The following PCDHGB5 variants were observed in gnomAD, a reference collection of about 807,000 sequenced individuals.
PCDHGB5 encodes the protein protocadherin gamma subfamily B, 5.
A neutral mutation model predicts 62.9 loss-of-function variants in PCDHGB5; 48 were observed. That is an observed-to-expected ratio of 0.76 (90% CI 0.61 to 0.97). The LOEUF is 0.97. PCDHGB5 is among the 50% of genes least tolerant of loss of function. PCDHGB5 has a pLI of 0.00. For missense variants in PCDHGB5, 1,118 were observed against 1,198.6 expected, an observed-to-expected ratio of 0.93 and a Z score of 0.99; for synonymous variants, 474 against 511.2, an observed-to-expected ratio of 0.93 and a Z score of 0.98.
intron 1 of PCDHGB5, among the ~76,000 whole-genome samples, chr5:141,434,225 G>A (rs1591320318): frequency 6.6e-6 from 1 of 152,146 alleles, no homozygotes; most frequent in African/African-American, 2.4e-5. Flanking sequence ...AACAAAGTAC[G>A]ATTTCTGGAC....
chr5:141,403,582 G>A (rs973617374), intron 1 of PCDHGB5: 1 of 1,613,910 alleles, frequency 6.2e-7, no homozygotes, highest in Non-Finnish European at 8.5e-7. Flanking sequence ...CCCACCACCT[G>A]GTCCTCACGG....
At chr5:141,427,352 G>A (rs982774903) in intron 1 of PCDHGB5, 3 of 457,474 alleles carry the variant, frequency 6.6e-6, no homozygotes, top group African/African-American at 6.0e-5. Flanking sequence ...CTGTAACTGA[G>A]GACGCAGAAC....
intron 1 of PCDHGB5, chr5:141,403,361 A>T (rs760277157): frequency 3.1e-6 from 5 of 1,614,050 alleles, no homozygotes; most frequent in Middle Eastern, 1.6e-4. Context: ...CCAGGCCGAA[A>T]GTCTGGAAGT....
At chr5:141,471,114 T>A (rs1210058743) in intron 1 of PCDHGB5, among the ~76,000 whole-genome samples, 1 of 150,256 alleles carries the variant, frequency 6.7e-6, no homozygotes, top group Non-Finnish European at 1.5e-5. Context: ...AGTGGTGCGA[T>A]CTTACCTTCA....
chr5:141,491,353 T>A lies in PCDHGB5; in HGVS notation c.2398-3454T>A. On this transcript the variant is annotated intron_variant, in intron 1 of 3. Coordinates refer to ENST00000617380, the MANE Select transcript of PCDHGB5 (RefSeq NM_018925.3). This position sits in a 1 kb window ranked among gnomAD's most constrained non-coding sequence, Gnocchi z 6.9. ...GGCTCTAGCGACCGTCAGTCTCTTATCCCTAGTCACCTTCACCTTTCTGTC... is the reference window on the plus strand; with the variant it reads ...GGCTCTAGCGACCGTCAGTCTCTTAACCCTAGTCACCTTCACCTTTCTGTC... The A allele has an allele frequency of 6.2e-7, 1 of 1,614,160 alleles. No homozygotes were observed. Among genetic ancestry groups the A allele is most frequent in the South Asian group, 1.1e-5 (1 of 91,080 alleles).
At chr5:141,405,372 T>C in intron 1 of PCDHGB5, 1 of 1,601,630 alleles carries the variant, frequency 6.2e-7, no homozygotes, top group East Asian at 2.2e-5. Flanking sequence ...ACCCCTTTGG[T>C]TCCGGTGAGT....
chr5:141,486,505 T>C lies in PCDHGB5; in HGVS notation c.2398-8302T>C. The C allele has an allele frequency of 6.2e-7, 1 of 1,614,156 alleles. No individual in the cohort carries two copies. ...GTACCCACAGAACTATTTTCCTCAA[T>C]ATTTCAGATGTGAATGATAATCCAC... is the stretch of plus-strand genomic sequence containing the variant. On this transcript the variant is annotated intron_variant, in intron 1 of 3. Coordinates refer to ENST00000617380, the MANE Select transcript of PCDHGB5 (RefSeq NM_018925.3). The surrounding 1 kb of genome is among the most constrained non-coding windows in gnomAD (Gnocchi z 5.0).
At chr5:141,433,605 G>C (rs1411907056) in intron 1 of PCDHGB5, among the ~76,000 whole-genome samples, 1 of 152,114 alleles carries the variant, frequency 6.6e-6, no homozygotes. Context: ...GGAGGCCGAG[G>C]CGGGTGGATC....
intron 1 of PCDHGB5, among the ~76,000 whole-genome samples, chr5:141,424,979 T>G (rs565208060): frequency 1.4e-4 from 22 of 152,322 alleles, no homozygotes; most frequent in African/African-American, 4.6e-4. Flanking sequence ...CTTGGATATT[T>G]ATGTTCCCTT....
At position 141,481,880 on chromosome 5, in the gene PCDHGB5, C is replaced by T. The variant is rs555652518; in HGVS notation, c.2398-12927C>T. Among the ~76,000 whole-genome samples, 5 of 145,406 alleles carry T rather than the reference C, an allele frequency of 3.4e-5. No individual in the cohort carries two copies. The East Asian group carries it at 1.0e-3, about 29-fold the overall frequency. On this transcript the variant is annotated intron_variant, in intron 1 of 3. Transcript: ENST00000617380. ...AGTGAGCCGAGATCGCGCCACTGCA[C>T]TCCAGCCTGGGTGAAAGAGCGAAAC...
At chr5:141,435,112 T>A (rs906494104) in intron 1 of PCDHGB5, among the ~76,000 whole-genome samples, 1 of 152,102 alleles carries the variant, frequency 6.6e-6, no homozygotes, top group Non-Finnish European at 1.5e-5. Context: ...GGGGGAGAAA[T>A]CTAATTCAAT....
Position 141,399,165 on chromosome 5 carries a change from T to C in PCDHGB5, c.1038T>C (p.His346=), listed in dbSNP as rs1423083245. Residue 346 remains histidine (H), a synonymous_variant, in exon 1 of 4, where the codon CAT becomes CAC. Transcript: ENST00000617380. The part of the protein sequence containing the change: ...ENDNSPEVTF[H]SLLEMILENA... ...ACAATAGCCCAGAAGTTACATTCCA[T>C]TCTCTACTTGAAATGATTCTGGAAA... is the stretch of plus-strand genomic sequence containing the variant. 1 of 1,613,774 alleles carries C rather than the reference T, an allele frequency of 6.2e-7. No individual in the cohort carries two copies. Among genetic ancestry groups the C allele is most frequent in the South Asian group, 1.1e-5 (1 of 91,078 alleles).
chr5:141,417,875 G>A, intron 1 of PCDHGB5: 1 of 1,556,360 alleles, frequency 6.4e-7, no homozygotes, highest in South Asian at 1.2e-5. Flanking sequence ...AGGGAGCTGC[G>A]CGCAGAGGCG....
Position 141,431,559 on chromosome 5 carries a change from C to A in PCDHGB5, c.2397+31035C>A. On this transcript the variant is annotated intron_variant, in intron 1 of 3. Coordinates refer to ENST00000617380, the MANE Select transcript of PCDHGB5 (RefSeq NM_018925.3). The surrounding 1 kb of genome is among the most constrained non-coding windows in gnomAD (Gnocchi z 4.8). ...ACGCAGCTGCTTGTAGTCAACGCTA[C>A]CGACCCTGACGAAGGAGTCAATGCG... is the stretch of plus-strand genomic sequence containing the variant. 6.2e-7 allele frequency: 1 copy of A among 1,614,158 alleles called. No homozygotes were observed. The highest frequency in any genetic ancestry group is 8.5e-7 in the Non-Finnish European group (1 of 1,180,030).
chr5:141,476,229 C>A lies in PCDHGB5; in HGVS notation c.2398-18578C>A, dbSNP rs761790915. The A allele has an allele frequency of 1.9e-6, 3 of 1,613,872 alleles. No homozygotes were observed. The South Asian group carries it at 3.3e-5, about 18-fold the overall frequency. ...TCCACGGTCATTCACTATGAGATCC[C>A]GGAGGAAAGAGAGAAGGGTTTCGCT... On this transcript the variant is annotated intron_variant, in intron 1 of 3. Transcript: ENST00000617380. This position sits in a 1 kb window ranked among gnomAD's most constrained non-coding sequence, Gnocchi z 7.6.
rs749086929 is a variant in PCDHGB5, at chr5:141,485,998, T to A, written c.2398-8809T>A. ...CAGACCCGGACCTGGGTCCCAGTGG[T>A]AACGTCACCTTTTATTTCAGTGGTC... On this transcript the variant is annotated intron_variant, in intron 1 of 3. Transcript: ENST00000617380. The surrounding 1 kb of genome is among the most constrained non-coding windows in gnomAD (Gnocchi z 5.7). 2.4e-5 allele frequency: 38 copies of A among 1,614,068 alleles called. No individual in the cohort carries two copies. Among genetic ancestry groups the A allele is most frequent in the Non-Finnish European group, 3.1e-5 (37 of 1,180,046 alleles).
At chr5:141,415,036 T>C (rs772612744) in intron 1 of PCDHGB5, 1 of 1,613,526 alleles carries the variant, frequency 6.2e-7, no homozygotes, top group Admixed American at 1.7e-5. Context: ...GCCGGGACTC[T>C]TCGCGGTGGG....
chr5:141,458,848 T>C (rs1044462303), intron 1 of PCDHGB5, among the ~76,000 whole-genome samples: 1 of 152,182 alleles, frequency 6.6e-6, no homozygotes, highest in Non-Finnish European at 1.5e-5. Flanking sequence ...TCCTCCCACC[T>C]CAGCCTTCCA....
At chr5:141,478,864 A>G in intron 1 of PCDHGB5, 1 of 1,322,156 alleles carries the variant, frequency 7.6e-7, no homozygotes, top group Non-Finnish European at 1.0e-6. Flanking sequence ...GATCTCAGCG[A>G]TCAGAGTTTA....
Sources: allele counts gnomAD v4.1 joint callset (sites outside exome capture counted in the v4.1 genomes callset), GRCh38; gene constraint gnomAD v4.1.1; non-coding constraint Gnocchi (gnomAD v3.1); transcripts MANE v1.5; gene names NCBI Gene and HGNC (gene_info 2026-07-23, HGNC 2026-07-21).